STX3: variants seen among roughly 807,000 people sequenced by gnomAD.
The protein encoded by STX3 is syntaxin-3.
STX3 carries 19 observed loss-of-function variants against 40.2 expected under a neutral mutation model. The observed-to-expected ratio is 0.47, with a 90% confidence interval of 0.33 to 0.69. The LOEUF is 0.69. Among genes scored for constraint, STX3 ranks in the 30% least tolerant of loss-of-function variants. The probability of loss-of-function intolerance (pLI) is 0.02; values close to 1 mark genes in which losing one functional copy is unlikely to be tolerated. For synonymous variants in STX3, 122 were observed against 132.2 expected (o/e 0.92, Z 0.53); for missense variants, 364 against 366.7 (o/e 0.99, Z 0.06).
intron 10 of STX3, among the ~76,000 whole-genome samples, 157 bp downstream of exon 10, chr11:59,797,553 T>C (rs1865596641): frequency 6.6e-6 from 1 of 152,190 alleles, no homozygotes; most frequent in Non-Finnish European, 1.5e-5. Flanking sequence ...TATCTCCTTA[T>C]AGTTCTATTG....
intron 2 of STX3, among the ~76,000 whole-genome samples, chr11:59,784,237 T>G (rs1864611953): frequency 6.6e-6 from 1 of 152,240 alleles, no homozygotes; most frequent in Admixed American, 6.5e-5. Flanking sequence ...TGACAACCAA[T>G]CTGTTGAACA....
chr11:59,761,926 A>C (rs1863060154), intron 1 of STX3, among the ~76,000 whole-genome samples: 1 of 151,932 alleles, frequency 6.6e-6, no homozygotes, highest in Admixed American at 6.6e-5. Flanking sequence ...TGGTTCCCTC[A>C]CTTGGTCTCA....
At chr11:59,786,325 C>T (rs1157688802) in intron 2 of STX3, among the ~76,000 whole-genome samples, 1 of 150,682 alleles carries the variant, frequency 6.6e-6, no homozygotes, top group East Asian at 1.9e-4. Context: ...CTGCAAGCTC[C>T]ACCTCCCGGG....
chr11:59,788,004 C>T (rs1395296013), intron 3 of STX3, among the ~76,000 whole-genome samples: 2 of 152,226 alleles, frequency 1.3e-5, no homozygotes, highest in East Asian at 3.8e-4. Context: ...CTGTCTCCTG[C>T]CATCCTCCTC....
intron 2 of STX3, among the ~76,000 whole-genome samples, chr11:59,786,063 GGA>G (rs1488812677): frequency 9.2e-5 from 14 of 152,258 alleles, no homozygotes; most frequent in African/African-American, 3.1e-4. Context: ...TGTACAATCA[GGA>G]GCCTTAGAAA....
At chr11:59,776,638 C>A (rs1258488212) in intron 2 of STX3, among the ~76,000 whole-genome samples, 1 of 152,128 alleles carries the variant, frequency 6.6e-6, no homozygotes, top group Admixed American at 6.5e-5. Context: ...GGAGGTCATC[C>A]TTGGTTATTT....
rs781469550 is a variant in STX3, at chr11:59,793,154, G to A, written c.522G>A (p.Pro174=). ...AGGAGATGTTGGAGAGTGGCAACCC[G>A]GCCATCTTCACTTCTGGGGTGAGTG... is the stretch of plus-strand genomic sequence containing the variant. ...ELEEMLESGN[P]AIFTSGIIDS... The change falls in exon 7 of 11, where the codon CCG becomes CCA. Residue 174 remains proline, a synonymous_variant. Coordinates refer to ENST00000337979, the MANE Select transcript of STX3 (RefSeq NM_004177.5). 7.4e-6 allele frequency: 12 copies of A among 1,613,326 alleles called. No individual in the cohort carries two copies. The highest frequency in any genetic ancestry group is 5.0e-5 in the Admixed American group (3 of 59,986).
Position 59,801,200 on chromosome 11 carries a change from G to A in STX3, c.*376G>A. 1 of 1,150,414 alleles carries A rather than the reference G, an allele frequency of 8.7e-7. No individual in the cohort carries two copies. Among genetic ancestry groups the A allele is most frequent in the Non-Finnish European group, 1.1e-6 (1 of 932,988 alleles). 71.3% of individuals were successfully genotyped at this position (1,150,414 alleles called of 1,614,324 possible). On this transcript the variant is annotated 3_prime_UTR_variant, in exon 11 of 11. Transcript: ENST00000337979. ...AGGTGCTGTATTTTTCTACCTCATG[G>A]AGTATTCTCCCAGAAACTGCAATGT...
chr11:59,782,795 C>T (rs891168808), intron 2 of STX3, among the ~76,000 whole-genome samples: 3 of 151,660 alleles, frequency 2.0e-5, no homozygotes, highest in Non-Finnish European at 4.4e-5. Flanking sequence ...GAGTTAGAGA[C>T]CAGCCTGGCC....
At chr11:59,786,995 C>G in intron 2 of STX3, 42 bp from the exon 3 acceptor site, 1 of 1,562,484 alleles carries the variant, frequency 6.4e-7, no homozygotes, top group Non-Finnish European at 8.8e-7. Flanking sequence ...TGGACCTGTA[C>G]TTCCTCTTTG....
In STX3 at chr11:59,773,165, T is replaced by C. The variant is rs372471728; in HGVS notation, c.31-46T>C. 3.9e-6 allele frequency: 6 copies of C among 1,551,868 alleles called. No individual in the cohort carries two copies. The African/African-American group carries it at 8.2e-5, about 21-fold the overall frequency. On this transcript the variant is annotated intron_variant, in intron 1 of 10. Coordinates refer to ENST00000337979, the MANE Select transcript of STX3 (RefSeq NM_004177.5). ...TCGTGAGCATTCAATAATTTAGCCA[T>C]TTATTGTGTTTTTAGCCTCACTCTG...
intron 8 of STX3, among the ~76,000 whole-genome samples, chr11:59,793,729 C>T (rs1865345151): frequency 6.6e-6 from 1 of 152,008 alleles, no homozygotes; most frequent in African/African-American, 2.4e-5. Flanking sequence ...CTTGCCTGTC[C>T]CTTTGGCCTT....
intron 1 of STX3, 47 bp downstream of exon 1, chr11:59,755,682 G>A (rs749366898): frequency 1.3e-6 from 2 of 1,563,084 alleles, no homozygotes; most frequent in South Asian, 2.3e-5. Flanking sequence ...GTGCTGCATG[G>A]GAGAGGGGCT....
chr11:59,755,458 A>G lies in STX3; in HGVS notation c.-148A>G, dbSNP rs904902620. 3 of 938,926 alleles carry G rather than the reference A, an allele frequency of 3.2e-6. No individual in the cohort carries two copies. The highest frequency in any genetic ancestry group is 2.9e-6 in the Non-Finnish European group (2 of 687,850). 58.2% of individuals were successfully genotyped at this position (938,926 alleles called of 1,614,324 possible). On this transcript the variant is annotated 5_prime_UTR_variant, in exon 1 of 11. Transcript: ENST00000337979. ...GTGGCCTCGGACGCTCCTCCTAGCT[A>G]GCGGCCGCCGCCCGCCGCCGCCTGC...
intron 4 of STX3, 84 bp downstream of exon 4, chr11:59,789,031 T>G: frequency 1.6e-6 from 2 of 1,241,224 alleles, no homozygotes; most frequent in South Asian, 1.3e-5. Context: ...GAACTGAAAC[T>G]CCTCTTGATG....
intron 1 of STX3, among the ~76,000 whole-genome samples, chr11:59,769,188 T>C (rs1033387593): frequency 2.0e-5 from 3 of 152,098 alleles, no homozygotes; most frequent in African/African-American, 7.2e-5. Flanking sequence ...TGATGGACCG[T>C]GGTATAGAGC....
chr11:59,767,421 C>T (rs1171529619), intron 1 of STX3, among the ~76,000 whole-genome samples: 2 of 152,188 alleles, frequency 1.3e-5, no homozygotes, highest in Non-Finnish European at 2.9e-5. Context: ...AAGTTCTCTT[C>T]TTGGCTAAGC....
chr11:59,755,572 C>G lies in STX3; in HGVS notation c.-34C>G. On this transcript the variant is annotated 5_prime_UTR_variant, in exon 1 of 11. Transcript: ENST00000337979. The stretch of plus-strand genomic sequence containing the variant: ...TCACCTGGGACGCGCTCACCTGGGA[C>G]GCGCTACCTGCCTCCGGGCGCCTGG... The G allele has an allele frequency of 6.3e-7, 1 of 1,592,560 alleles. No individual in the cohort carries two copies. Among genetic ancestry groups the G allele is most frequent in the South Asian group, 1.1e-5 (1 of 90,832 alleles).
chr11:59,790,401 C>T (rs1565185761), intron 4 of STX3, 118 bp from the exon 5 acceptor site: 4 of 767,594 alleles, frequency 5.2e-6, no homozygotes, highest in Middle Eastern at 2.5e-4. Context: ...TGAGGTGACA[C>T]CTACCTGTTA....
Sources: allele counts gnomAD v4.1 joint callset (sites outside exome capture counted in the v4.1 genomes callset), GRCh38; gene constraint gnomAD v4.1.1; transcripts MANE v1.5; gene names NCBI Gene and HGNC (gene_info 2026-07-23, HGNC 2026-07-21).